TNIK: variants seen among roughly 807,000 people sequenced by gnomAD.
TNIK encodes the protein TRAF2 and NCK interacting kinase.
Under a neutral mutation model 191.3 loss-of-function variants are expected in TNIK, and 49 were observed. The observed-to-expected ratio is 0.26, with a 90% CI of 0.20 to 0.32. TNIK has a LOEUF of 0.32. TNIK is among the 10% of genes least tolerant of loss of function. The pLI is 1.00. For missense variants in TNIK, 1,155 were observed against 1,702.3 expected (o/e 0.68, Z 5.66); for synonymous variants, 594 against 600.9 (o/e 0.99, Z 0.17).
At chr3:171,218,959 TTAAA>T (rs1741844805) in intron 3 of TNIK, among the ~76,000 whole-genome samples, 1 of 129,916 alleles carries the variant, frequency 7.7e-6, no homozygotes, top group Non-Finnish European at 1.6e-5. Flanking sequence ...ATAATAAATA[TTAAA>T]TATTTATATT....
chr3:171,207,811 C>G (rs79868375), intron 4 of TNIK, among the ~76,000 whole-genome samples: 1 of 152,120 alleles, frequency 6.6e-6, no homozygotes, highest in Non-Finnish European at 1.5e-5. Flanking sequence ...AATCTGAGCT[C>G]TCAAAAGTAC....
At chr3:171,117,695 G>T (rs1475861884) in intron 18 of TNIK, among the ~76,000 whole-genome samples, 1 of 152,162 alleles carries the variant, frequency 6.6e-6, no homozygotes, top group Non-Finnish European at 1.5e-5. Context: ...CTCTGGCCGG[G>T]CGCGGTGGCT....
intron 2 of TNIK, among the ~76,000 whole-genome samples, chr3:171,358,595 T>C (rs139363066): frequency 4.6e-5 from 7 of 152,298 alleles, no homozygotes; most frequent in African/African-American, 1.7e-4. Context: ...CAATATTCTT[T>C]TAGGATTCAT....
intron 22 of TNIK, among the ~76,000 whole-genome samples, chr3:171,098,779 C>A (rs189250927): frequency 6.6e-6 from 1 of 152,240 alleles, no homozygotes; most frequent in Admixed American, 6.5e-5. Flanking sequence ...CCCCCAAATA[C>A]TCAATTCCTA....
intron 2 of TNIK, among the ~76,000 whole-genome samples, chr3:171,359,517 T>C (rs965618730): frequency 6.6e-6 from 1 of 152,184 alleles, no homozygotes; most frequent in African/African-American, 2.4e-5. Flanking sequence ...TCTGTGCTTC[T>C]CCTTGCAAAG....
chr3:171,064,039 T>C, intron 32 of TNIK, 75 bp from the exon 33 acceptor site: 1 of 1,396,434 alleles, frequency 7.2e-7, no homozygotes, highest in Admixed American at 1.8e-5. Flanking sequence ...CCATCCATTT[T>C]CTCTCACATG....
At chr3:171,120,275 C>G (rs1174908793) in intron 18 of TNIK, among the ~76,000 whole-genome samples, 2 of 151,954 alleles carry the variant, frequency 1.3e-5, no homozygotes, top group African/African-American at 4.8e-5. Flanking sequence ...CAAAAACTGA[C>G]CGTTTTTGCT....
At chr3:171,323,411 A>G (rs1755389458) in intron 2 of TNIK, among the ~76,000 whole-genome samples, 1 of 152,164 alleles carries the variant, frequency 6.6e-6, no homozygotes, top group African/African-American at 2.4e-5. Flanking sequence ...ATTACTTGTA[A>G]TGTATTGCCA....
At chr3:171,180,288 CCT>C (rs1477528638) in intron 7 of TNIK, among the ~76,000 whole-genome samples, 1 of 152,168 alleles carries the variant, frequency 6.6e-6, no homozygotes. Flanking sequence ...CTGCTCAACC[CCT>C]GTGTTCTCAA....
chr3:171,107,132 GT>G, intron 21 of TNIK, 50 bp downstream of exon 21: 9 of 1,572,778 alleles, frequency 5.7e-6, no homozygotes, highest in Non-Finnish European at 7.8e-6. Context: ...TAGGAAATAA[GT>G]TTAATATTTA....
chr3:171,200,040 A>C (rs1739218430), intron 4 of TNIK, among the ~76,000 whole-genome samples: 1 of 152,218 alleles, frequency 6.6e-6, no homozygotes, highest in Non-Finnish European at 1.5e-5. Flanking sequence ...CACCAGAGAC[A>C]CATGTTTTTG....
chr3:171,064,128 T>A (rs1008873241), intron 32 of TNIK, 164 bp from the exon 33 acceptor site: 2 of 616,560 alleles, frequency 3.2e-6, no homozygotes, highest in Non-Finnish European at 5.7e-6. Context: ...GTGCATCCTA[T>A]GTAAAAACTC....
intron 1 of TNIK, among the ~76,000 whole-genome samples, chr3:171,387,627 AGC>A (rs1560008008): frequency 6.6e-6 from 1 of 152,204 alleles, no homozygotes; most frequent in Non-Finnish European, 1.5e-5. Context: ...GATTTTGTGC[AGC>A]TGATTATTAA....
intron 2 of TNIK, among the ~76,000 whole-genome samples, chr3:171,261,131 C>A (rs961710733): frequency 6.6e-6 from 1 of 152,186 alleles, no homozygotes; most frequent in African/African-American, 2.4e-5. Flanking sequence ...TGGTCTCCAG[C>A]CTCAGCTTTG....
At chr3:171,275,753 C>T (rs185585937) in intron 2 of TNIK, among the ~76,000 whole-genome samples, 211 of 151,750 alleles carry the variant, frequency 1.4e-3, no homozygotes, top group African/African-American at 4.7e-3. Flanking sequence ...AAAAATTAGC[C>T]GGGCGTGGTG....
intron 2 of TNIK, among the ~76,000 whole-genome samples, chr3:171,299,187 C>A (rs752888349): frequency 1.3e-5 from 2 of 152,142 alleles, no homozygotes; most frequent in Admixed American, 1.3e-4. Context: ...TTGCAAACCC[C>A]CTTCCCCTTA....
At chr3:171,421,810 C>A (rs1368955784) in intron 1 of TNIK, among the ~76,000 whole-genome samples, 1 of 144,396 alleles carries the variant, frequency 6.9e-6, no homozygotes, top group Non-Finnish European at 1.5e-5. Flanking sequence ...CAGCTCACTG[C>A]AACCTCCGCC....
chr3:171,364,349 A>T (rs983245524), intron 2 of TNIK, among the ~76,000 whole-genome samples: 7 of 151,474 alleles, frequency 4.6e-5, no homozygotes, highest in African/African-American at 1.7e-4. Flanking sequence ...TAAGATCCAC[A>T]TCCCCATCCC....
chr3:171,109,033 A>G (rs1408340383), intron 19 of TNIK, among the ~76,000 whole-genome samples: 1 of 152,240 alleles, frequency 6.6e-6, no homozygotes, highest in African/African-American at 2.4e-5. Context: ...GAGGGGCTGA[A>G]GGAAATAAAA....
Sources: allele counts gnomAD v4.1 joint callset (sites outside exome capture counted in the v4.1 genomes callset), GRCh38; gene constraint gnomAD v4.1.1; transcripts MANE v1.5; gene names NCBI Gene and HGNC (gene_info 2026-07-23, HGNC 2026-07-21).